MYLK3: variants seen among roughly 807,000 people sequenced by gnomAD.
MYLK3 encodes the protein myosin light chain kinase 3.
MYLK3 carries 55 observed loss-of-function variants against 76.3 expected under a neutral mutation model. The ratio of observed to expected loss-of-function variants is 0.72; its 90% CI spans 0.58 to 0.90. The LOEUF (loss-of-function observed/expected upper bound fraction) is 0.90. MYLK3 is among the 40% of genes least tolerant of loss of function. The probability of loss-of-function intolerance (pLI) is 0.00; values close to 1 mark genes in which losing one functional copy is unlikely to be tolerated. For synonymous variants in MYLK3, 416 were observed against 425.4 expected (o/e 0.98, Z 0.27); for missense variants, 973 against 1,053.6 (o/e 0.92, Z 1.06).
intron 9 of MYLK3, among the ~76,000 whole-genome samples, chr16:46,716,902 G>A (rs777515165): frequency 1.3e-5 from 2 of 152,184 alleles, no homozygotes; most frequent in Non-Finnish European, 2.9e-5. Flanking sequence ...GGAGATTCCT[G>A]GAGAGAGGGG....
chr16:46,749,566 G>A (rs1198904746), upstream of MYLK3, among the ~76,000 whole-genome samples: 2 of 152,136 alleles, frequency 1.3e-5, no homozygotes, highest in African/African-American at 2.4e-5. Flanking sequence ...AAACCAGCCT[G>A]GGCAACATGG....
intron 1 of MYLK3, among the ~76,000 whole-genome samples, chr16:46,760,257 T>C (rs929242703): frequency 1.3e-5 from 2 of 151,834 alleles, no homozygotes; most frequent in Admixed American, 1.3e-4. Flanking sequence ...GACGAGAGGG[T>C]TTCTGGAAGT....
chr16:46,758,266 CCA>C (rs1164674291), intron 1 of MYLK3, among the ~76,000 whole-genome samples: 39 of 127,028 alleles, frequency 3.1e-4, no homozygotes, highest in African/African-American at 9.0e-4. Flanking sequence ...CTCTCTCTCT[CCA>C]CACACACACA....
chr16:46,752,745 G>A (rs936449002), upstream of MYLK3, among the ~76,000 whole-genome samples: 3 of 152,114 alleles, frequency 2.0e-5, no homozygotes, highest in Non-Finnish European at 2.9e-5. Flanking sequence ...GCCAAGCATG[G>A]TGGCATGTGC....
At chr16:46,761,961 A>C (rs997235388) in intron 1 of MYLK3, among the ~76,000 whole-genome samples, 3 of 151,290 alleles carry the variant, frequency 2.0e-5, no homozygotes, top group African/African-American at 7.3e-5. Flanking sequence ...AGGGACCAGC[A>C]TCCACATAGA....
intron 9 of MYLK3, among the ~76,000 whole-genome samples, chr16:46,720,134 C>T (rs1428042016): frequency 6.6e-6 from 1 of 152,194 alleles, no homozygotes; most frequent in Non-Finnish European, 1.5e-5. Flanking sequence ...ACAGAGATTG[C>T]ACCACTGCAC....
chr16:46,717,439 G>C (rs1596750328), intron 9 of MYLK3, among the ~76,000 whole-genome samples: 1 of 152,128 alleles, frequency 6.6e-6, no homozygotes, highest in East Asian at 1.9e-4. Context: ...ATCCCCACCA[G>C]GTAAGACTCT....
intron 4 of MYLK3, 127 bp from the exon 5 acceptor site, chr16:46,730,825 C>G (rs780342336): frequency 2.7e-6 from 2 of 748,994 alleles, no homozygotes; most frequent in African/African-American, 1.7e-5. Flanking sequence ...GTATTTGAAA[C>G]CTTTTCTCCA....
chr16:46,728,550 A>T (rs1966846683), intron 7 of MYLK3, among the ~76,000 whole-genome samples: 1 of 152,000 alleles, frequency 6.6e-6, no homozygotes, highest in Non-Finnish European at 1.5e-5. Context: ...GCAAGACCTC[A>T]TCTCTACAAA....
chr16:46,756,369 G>T (rs1967200867), intron 1 of MYLK3, among the ~76,000 whole-genome samples: 1 of 152,218 alleles, frequency 6.6e-6, no homozygotes, highest in Non-Finnish European at 1.5e-5. Context: ...AGAAAGCTAA[G>T]TCCTCATTTA....
At chr16:46,760,815 C>T (rs966679367) in intron 1 of MYLK3, among the ~76,000 whole-genome samples, 1 of 152,036 alleles carries the variant, frequency 6.6e-6, no homozygotes, top group African/African-American at 2.4e-5. Context: ...AACACTGGGG[C>T]AGGAAAAAGG....
chr16:46,709,793 GC>G, intron 11 of MYLK3, 122 bp from the exon 12 acceptor site: 1 of 1,163,220 alleles, frequency 8.6e-7, no homozygotes, highest in Non-Finnish European at 1.2e-6. Flanking sequence ...GCAGATTCAT[GC>G]CATGTACCAA....
intron 9 of MYLK3, among the ~76,000 whole-genome samples, chr16:46,713,549 G>A (rs949359077): frequency 6.6e-6 from 1 of 152,174 alleles, no homozygotes; most frequent in Non-Finnish European, 1.5e-5. Context: ...GCTAAGTCAA[G>A]CTAATTAACA....
At chr16:46,747,238 TC>T (rs1385197283) in intron 1 of MYLK3, among the ~76,000 whole-genome samples, 4 of 152,040 alleles carry the variant, frequency 2.6e-5, no homozygotes, top group Non-Finnish European at 5.9e-5. Context: ...CTGTCAACAC[TC>T]GTCTCCCCAC....
chr16:46,746,476 A>G (rs937799673), intron 1 of MYLK3, among the ~76,000 whole-genome samples: 4 of 152,156 alleles, frequency 2.6e-5, no homozygotes, highest in Non-Finnish European at 5.9e-5. Context: ...GCTGGAGTGC[A>G]CTGGCACAAA....
In MYLK3 at chr16:46,710,698, AG is replaced by A; in HGVS notation, c.2205del (p.Phe736LeufsTer24). ...VNCSWDFDAD[T>X]FEGLSEEAKD... The stretch of plus-strand genomic sequence containing the variant: ...TTGGCCTCCTCCGAGAGCCCTTCAA[AG>A]GTGTCAGCATCAAAATCCCAGCTAC... On this transcript the variant is annotated frameshift_variant, in exon 11 of 13. Transcript: ENST00000394809. LOFTEE classifies it high-confidence loss of function. The A allele has an allele frequency of 6.2e-7, 1 of 1,614,172 alleles. No individual in the cohort carries two copies. The highest frequency in any genetic ancestry group is 8.5e-7 in the Non-Finnish European group (1 of 1,180,034).
intron 11 of MYLK3, 65 bp from the exon 12 acceptor site, chr16:46,709,736 T>C (rs1966664080): frequency 1.3e-6 from 2 of 1,575,398 alleles, no homozygotes; most frequent in Non-Finnish European, 1.7e-6. Context: ...AAAAATCTGT[T>C]CACTTGAGTA....
In MYLK3 at chr16:46,706,211, AAC is replaced by A. The variant is rs2143012015; in HGVS notation, c.*1491_*1492del. The A allele has an allele frequency of 6.6e-6, 1 of 152,228 alleles. No homozygotes were observed. The highest frequency in any genetic ancestry group is 1.9e-4 in the East Asian group (1 of 5,178). The allele number at this position is 152,228 out of a possible 1,614,324, so 9.4% of individuals were successfully genotyped here. A position where few individuals can be genotyped will look rare whatever the true frequency, so the allele number is the denominator to read the frequency against. On this transcript the variant is annotated 3_prime_UTR_variant, in exon 13 of 13. Transcript: ENST00000394809. ...GACTGGAAGCCCTATCAATAATATA[AAC>A]AGTCAGTTAATACCCATACACACAT...
intron 8 of MYLK3, among the ~76,000 whole-genome samples, chr16:46,724,105 T>C (rs577821316): frequency 6.6e-6 from 1 of 152,372 alleles, no homozygotes; most frequent in South Asian, 2.1e-4. Flanking sequence ...ATGTTTTCAT[T>C]GGATAAATAT....
Sources: gnomAD v4.1 joint callset for allele counts (sites outside exome capture counted in the v4.1 genomes callset) on GRCh38, gnomAD v4.1.1 for gene constraint, MANE v1.5 for transcripts, NCBI Gene and HGNC (gene_info 2026-07-23, HGNC 2026-07-21) for gene names.